The following EXD3 variants were observed in gnomAD, a reference collection of about 807,000 sequenced individuals.
EXD3 encodes exonuclease mut-7 homolog.
EXD3 carries 92 observed loss-of-function variants against 98.0 expected under a neutral mutation model. The observed-to-expected ratio is 0.94, with a 90% confidence interval of 0.79 to 1.12. EXD3 has a LOEUF of 1.12. EXD3 is among the 50% of genes most tolerant of loss of function. The probability of loss-of-function intolerance (pLI) is 0.00; values close to 1 mark genes in which losing one functional copy is unlikely to be tolerated. For synonymous variants in EXD3, 569 were observed against 526.0 expected, an observed-to-expected ratio of 1.08 and a Z score of -1.12; for missense variants, 1,222 against 1,191.6, an observed-to-expected ratio of 1.03 and a Z score of -0.38.
In EXD3 at chr9:137,372,231, T is replaced by C. The variant is rs558378958; in HGVS notation, c.462+674A>G. ...CAGCAGCCAGTGAAGGGTTGGATAC[T>C]GATCCGACGCATCTCGCACCTGGGC... On this transcript the variant is annotated intron_variant, in intron 5 of 21. Transcript: ENST00000340951. 2.1e-3 allele frequency among the ~76,000 whole-genome samples: 325 copies of C among 152,328 alleles called. 2 individuals carry two copies. Among genetic ancestry groups the C allele is most frequent in the African/African-American group, 7.5e-3 (311 of 41,586 alleles).
At chr9:137,381,922 GCGAGGAGGAGGTGAGAGCA>G (rs1227275214) in intron 3 of EXD3, among the ~76,000 whole-genome samples, 6 of 152,268 alleles carry the variant, frequency 3.9e-5, no homozygotes, top group Non-Finnish European at 7.3e-5. Flanking sequence ...TGATGGAGGC[GCGAGGAGGAGGTGAGAGCA>G]CGAGGAGGAG....
chr9:137,370,721 G>A (rs1192812046), intron 5 of EXD3, among the ~76,000 whole-genome samples: 1 of 151,504 alleles, frequency 6.6e-6, no homozygotes, highest in Non-Finnish European at 1.5e-5. Flanking sequence ...CAGGTGCCCA[G>A]GCTCGAAGGC....
intron 3 of EXD3, among the ~76,000 whole-genome samples, chr9:137,378,718 G>A (rs1003409670): frequency 3.9e-5 from 6 of 152,324 alleles, no homozygotes; most frequent in African/African-American, 1.2e-4. Context: ...CCTTGATATC[G>A]TGCTAAATGA....
rs1035716299 is a variant in EXD3, at chr9:137,374,909, GCTCTAGTGAGTTCTAA to G, written c.121-1326_121-1311del. The G allele has an allele frequency of 6.8e-5, 65 of 950,644 alleles. No individual in the cohort carries two copies. The East Asian group carries it at 6.9e-4, about 10-fold the overall frequency. The allele number at this position is 950,644 out of a possible 1,614,324, so 58.9% of individuals were successfully genotyped here. A position where few individuals can be genotyped will look rare whatever the true frequency, so the allele number is the denominator to read the frequency against. ...TGAGTCCTGGCCCTAGTGAGATCTA[GCTCTAGTGAGTTCTAA>G]CTCTAGTGAGTTCTAGCCCTAATGA... On this transcript the variant is annotated intron_variant, in intron 3 of 21. Coordinates refer to ENST00000340951, the MANE Select transcript of EXD3 (RefSeq NM_017820.5).
At chr9:137,345,675 A>AAAAAAAAAG (rs1833891583) in intron 17 of EXD3, 1 of 149,616 alleles carries the variant, frequency 6.7e-6, no homozygotes, top group East Asian at 2.0e-4. Context: ...AAAAAAAAAA[A>AAAAAAAAAG]GGAAAGAAAA....
At chr9:137,410,484 CAAAAAAAA>C (rs34834761) in intron 1 of EXD3, among the ~76,000 whole-genome samples, 1 of 72,356 alleles carries the variant, frequency 1.4e-5, no homozygotes, top group Non-Finnish European at 2.8e-5. Flanking sequence ...AACTCTGTCT[CAAAAAAAA>C]AAAAAAAAAA....
intron 14 of EXD3, 138 bp downstream of exon 14, chr9:137,350,900 G>C: frequency 1.5e-6 from 1 of 681,894 alleles, no homozygotes; most frequent in East Asian, 2.7e-5. Context: ...CTGCTCTGGG[G>C]CCCTGGTGAC....
intron 17 of EXD3, among the ~76,000 whole-genome samples, chr9:137,343,831 G>A (rs1438902286): frequency 4.1e-5 from 6 of 147,618 alleles, no homozygotes; most frequent in Admixed American, 2.1e-4. Context: ...CTCGTGATCC[G>A]CCTGCCTCGG....
rs529163981 is a variant in EXD3, at chr9:137,321,030, G to A, written c.2184+2695C>T. The stretch of plus-strand genomic sequence containing the variant: ...ACCTGAGGCAGAGGCCGCGGTCCCC[G>A]CAGGGCAGTGGGGTCAGAGGGTCAG... On this transcript the variant is annotated intron_variant, in intron 19 of 21. Transcript: ENST00000340951. 3.2e-4 allele frequency among the ~76,000 whole-genome samples: 49 copies of A among 152,332 alleles called. 1 individual carries two copies. The Middle Eastern group carries it at 0.01, about 32-fold the overall frequency.
At chr9:137,353,089 C>T (rs368757555) in intron 10 of EXD3, 1 of 1,233,272 alleles carries the variant, frequency 8.1e-7, no homozygotes. Flanking sequence ...CCCAGCTGGC[C>T]CCTCCTGGCC....
At chr9:137,353,870 G>A in intron 10 of EXD3, 1 of 988,128 alleles carries the variant, frequency 1.0e-6, no homozygotes, top group Non-Finnish European at 1.2e-6. Flanking sequence ...GCCTGAGGCT[G>A]CTTCCCCGGC....
At chr9:137,331,034 G>C (rs1329396081) in intron 17 of EXD3, among the ~76,000 whole-genome samples, 1 of 152,178 alleles carries the variant, frequency 6.6e-6, no homozygotes, top group East Asian at 1.9e-4. Flanking sequence ...GAATCCAACA[G>C]CACATTAAAG....
chr9:137,400,917 C>T (rs1179004817), intron 1 of EXD3, among the ~76,000 whole-genome samples: 1 of 152,182 alleles, frequency 6.6e-6, no homozygotes, highest in Non-Finnish European at 1.5e-5. Flanking sequence ...CATGCTGATG[C>T]AAGAGGTGGG....
intron 5 of EXD3, among the ~76,000 whole-genome samples, chr9:137,368,794 T>C (rs1373605204): frequency 1.3e-5 from 2 of 149,494 alleles, no homozygotes; most frequent in Non-Finnish European, 3.0e-5. Flanking sequence ...GCCTCTACTG[T>C]CTGGCCAGGG....
chr9:137,388,232 G>C (rs369649873), intron 2 of EXD3, among the ~76,000 whole-genome samples: 1 of 152,276 alleles, frequency 6.6e-6, no homozygotes, highest in South Asian at 2.1e-4. Flanking sequence ...CCCAAAACGT[G>C]CCTGGGAGGG....
chr9:137,413,557 G>A (rs1265339963), intron 1 of EXD3, among the ~76,000 whole-genome samples: 1 of 148,692 alleles, frequency 6.7e-6, no homozygotes, highest in Non-Finnish European at 1.5e-5. Flanking sequence ...CCAGGGTGGA[G>A]TGCAGTGGTG....
At chr9:137,326,979 C>T (rs1205616841) in intron 17 of EXD3, among the ~76,000 whole-genome samples, 1 of 151,834 alleles carries the variant, frequency 6.6e-6, no homozygotes, top group African/African-American at 2.4e-5. Flanking sequence ...ACCCTTACGA[C>T]ACGCCGAGTG....
chr9:137,352,877 C>A, intron 10 of EXD3, 91 bp from the exon 11 acceptor site: 1 of 1,482,364 alleles, frequency 6.7e-7, no homozygotes, highest in Non-Finnish European at 8.9e-7. Context: ...CCCGACCTTG[C>A]AGACTGGCTA....
chr9:137,382,749 G>A (rs1836380023), intron 3 of EXD3, among the ~76,000 whole-genome samples: 1 of 152,164 alleles, frequency 6.6e-6, no homozygotes, highest in African/African-American at 2.4e-5. Flanking sequence ...ACCTGCAGGA[G>A]CGACCTCGGG....
Sources: gnomAD v4.1 joint callset for allele counts (sites outside exome capture counted in the v4.1 genomes callset) on GRCh38, gnomAD v4.1.1 for gene constraint, MANE v1.5 for transcripts, NCBI Gene and HGNC (gene_info 2026-07-23, HGNC 2026-07-21) for gene names.